RPSA2: variants seen among roughly 807,000 people sequenced by gnomAD.
RPSA2 encodes the protein small ribosomal subunit protein uS2B.
the RPSA2 span, chr19:23,831,924 A>T: frequency 3.2e-6 from 1 of 311,318 alleles, no homozygotes; most frequent in South Asian, 3.7e-5. Context: ...GCATGCTTTC[A>T]CACAAAACCC....
the RPSA2 span, among the ~76,000 whole-genome samples, chr19:23,815,836 C>T: frequency 6.6e-6 from 1 of 152,002 alleles, no homozygotes; most frequent in East Asian, 1.9e-4. Flanking sequence ...GTTATATATA[C>T]ATATACATAC....
the RPSA2 span, among the ~76,000 whole-genome samples, chr19:23,838,322 T>C: frequency 5.3e-5 from 8 of 152,078 alleles, no homozygotes; most frequent in Admixed American, 5.2e-4. Context: ...TTTTGACATG[T>C]TGGATTTGGT....
the RPSA2 span, among the ~76,000 whole-genome samples, chr19:23,829,859 A>T: frequency 6.6e-6 from 1 of 152,162 alleles, no homozygotes; most frequent in African/African-American, 2.4e-5. Context: ...TTTCTGCGTC[A>T]CTAGGATAAT....
the RPSA2 span, among the ~76,000 whole-genome samples, chr19:23,815,744 G>T: frequency 3.3e-5 from 5 of 151,964 alleles, no homozygotes; most frequent in African/African-American, 1.2e-4. Context: ...TAAAAATGGG[G>T]TATTGATGTC....
At chr19:23,854,891 C>T in the RPSA2 span, among the ~76,000 whole-genome samples, 11 of 152,000 alleles carry the variant, frequency 7.2e-5, no homozygotes, top group Non-Finnish European at 1.0e-4. Flanking sequence ...TAAATTTTGT[C>T]GTTGGATGGA....
the RPSA2 span, among the ~76,000 whole-genome samples, chr19:23,847,004 A>C: frequency 1.3e-5 from 2 of 152,080 alleles, no homozygotes; most frequent in Non-Finnish European, 2.9e-5. Flanking sequence ...ATTTTTGTTT[A>C]GTCACTTTAT....
chr19:23,856,065 T>G, the RPSA2 span, among the ~76,000 whole-genome samples: 1 of 151,586 alleles, frequency 6.6e-6, no homozygotes, highest in Non-Finnish European at 1.5e-5. Context: ...CATCATCAGG[T>G]GGGGGAGGAG....
At chr19:23,829,295 CTTAT>C in the RPSA2 span, among the ~76,000 whole-genome samples, 100 of 151,948 alleles carry the variant, frequency 6.6e-4, no homozygotes, top group African/African-American at 2.1e-3. Context: ...TATGCTTTCG[CTTAT>C]TTATTTATTT....
At chr19:23,815,641 T>C in the RPSA2 span, among the ~76,000 whole-genome samples, 3,331 of 152,266 alleles carry the variant, frequency 0.022, 130 homozygotes, top group African/African-American at 0.076. Context: ...CACTCAGGTA[T>C]TCCTCTATAT....
chr19:23,795,594 G>C, the RPSA2 span, among the ~76,000 whole-genome samples: 1 of 152,008 alleles, frequency 6.6e-6, no homozygotes, highest in Non-Finnish European at 1.5e-5. Context: ...CAGTTTTCCA[G>C]ACATAGAGTT....
At chr19:23,862,970 C>T in the RPSA2 span, among the ~76,000 whole-genome samples, 178 of 150,082 alleles carry the variant, frequency 1.2e-3, no homozygotes, top group Non-Finnish European at 2.1e-3. Context: ...ATGGCACAAA[C>T]TTGGTTCACT....
chr19:23,787,438 T>TA, the RPSA2 span, among the ~76,000 whole-genome samples: 62,202 of 147,530 alleles, frequency 0.42, 13,799 homozygotes, highest in Non-Finnish European at 0.52. Flanking sequence ...CTGTCTCTAC[T>TA]AAAAAAAGAA....
chr19:23,836,036 G>A, the RPSA2 span, among the ~76,000 whole-genome samples: 1 of 152,202 alleles, frequency 6.6e-6, no homozygotes, highest in East Asian at 1.9e-4. Flanking sequence ...GGGTATAGGT[G>A]GTATTTGGTT....
the RPSA2 span, among the ~76,000 whole-genome samples, chr19:23,857,278 T>A: frequency 6.6e-6 from 1 of 152,174 alleles, no homozygotes; most frequent in Non-Finnish European, 1.5e-5. Context: ...ACCTTCAGCT[T>A]ATGAAGATAA....
At chr19:23,834,267 G>T in the RPSA2 span, among the ~76,000 whole-genome samples, 19 of 151,794 alleles carry the variant, frequency 1.3e-4, no homozygotes, top group African/African-American at 4.6e-4. Flanking sequence ...GAACATACAG[G>T]TTTTTTTCGA....
the RPSA2 span, among the ~76,000 whole-genome samples, chr19:23,858,039 T>A: frequency 1.3e-5 from 2 of 152,038 alleles, no homozygotes; most frequent in African/African-American, 4.8e-5. Context: ...TTGCATAGAA[T>A]CATTTGGCTT....
chr19:23,770,112 A>G, the RPSA2 span, among the ~76,000 whole-genome samples: 35 of 152,262 alleles, frequency 2.3e-4, no homozygotes, highest in Non-Finnish European at 3.2e-4. Flanking sequence ...AGCCATACTC[A>G]TAGCATTTTG....
the RPSA2 span, among the ~76,000 whole-genome samples, chr19:23,791,387 A>T: frequency 6.6e-6 from 1 of 152,184 alleles, no homozygotes; most frequent in Non-Finnish European, 1.5e-5. Flanking sequence ...GTTAAGCCTG[A>T]AGCTTGTTTC....
the RPSA2 span, among the ~76,000 whole-genome samples, chr19:23,802,580 T>C: frequency 6.6e-6 from 1 of 152,210 alleles, no homozygotes; most frequent in Non-Finnish European, 1.5e-5. Flanking sequence ...ATGAATCATC[T>C]GGTGTGTGTT....
Sources: allele counts gnomAD v4.1 joint callset (sites outside exome capture counted in the v4.1 genomes callset), GRCh38; gene constraint gnomAD v4.1.1; transcripts MANE v1.5; gene names NCBI Gene and HGNC (gene_info 2026-07-23, HGNC 2026-07-21).